Variants in ZMAT4 observed in about 807,000 individuals in gnomAD.
ZMAT4 encodes zinc finger matrin-type 4.
Under a neutral mutation model 28.7 loss-of-function variants are expected in ZMAT4, and 17 were observed. The observed-to-expected ratio is 0.59, with a 90% CI of 0.41 to 0.89. The LOEUF is 0.89. Among genes scored for constraint, ZMAT4 ranks in the 40% least tolerant of loss-of-function variants. ZMAT4 has a pLI of 0.00. For missense variants in ZMAT4, 240 were observed against 283.8 expected (o/e 0.85, Z 1.11); for synonymous variants, 117 against 109.2 (o/e 1.07, Z -0.44).
intron 2 of ZMAT4, among the ~76,000 whole-genome samples, chr8:40,819,099 G>T (rs73619238): frequency 6.6e-6 from 1 of 151,988 alleles, no homozygotes; most frequent in African/African-American, 2.4e-5. Flanking sequence ...AAGTTCTGTC[G>T]GAAGTCAATC....
intron 2 of ZMAT4, among the ~76,000 whole-genome samples, chr8:40,810,402 G>T (rs1222133302): frequency 6.6e-6 from 1 of 152,094 alleles, no homozygotes. Flanking sequence ...TCATAAAGCA[G>T]AAGAAAAGGA....
At chr8:40,619,658 A>C (rs1363623102) in intron 5 of ZMAT4, among the ~76,000 whole-genome samples, 1 of 152,206 alleles carries the variant, frequency 6.6e-6, no homozygotes, top group Non-Finnish European at 1.5e-5. Flanking sequence ...ACTGGAGAGC[A>C]CCAGAGAGGG....
At chr8:40,642,444 A>G (rs1807077718) in intron 5 of ZMAT4, among the ~76,000 whole-genome samples, 1 of 152,238 alleles carries the variant, frequency 6.6e-6, no homozygotes, top group South Asian at 2.1e-4. Context: ...TGTGGCTATC[A>G]GGAGACTAGA....
intron 5 of ZMAT4, 44 bp from the exon 6 acceptor site, chr8:40,581,305 A>G (rs1487774734): frequency 6.5e-7 from 1 of 1,532,982 alleles, no homozygotes; most frequent in Admixed American, 1.7e-5. Flanking sequence ...CCAGTCGTCA[A>G]CCACCTGAAA....
intron 2 of ZMAT4, among the ~76,000 whole-genome samples, chr8:40,794,090 TA>T (rs749101936): frequency 2.7e-5 from 4 of 148,126 alleles, no homozygotes; most frequent in Non-Finnish European, 4.6e-5. Flanking sequence ...GCAATTTTTT[TA>T]ATGTTTTTTT....
intron 1 of ZMAT4, among the ~76,000 whole-genome samples, chr8:40,856,930 C>T (rs1817320013): frequency 1.3e-5 from 2 of 152,196 alleles, no homozygotes; most frequent in African/African-American, 2.4e-5. Context: ...AAGCTGGCCT[C>T]ATCCATTTTT....
At chr8:40,790,044 G>A (rs1462910918) in intron 2 of ZMAT4, among the ~76,000 whole-genome samples, 2 of 152,094 alleles carry the variant, frequency 1.3e-5, no homozygotes, top group African/African-American at 4.8e-5. Context: ...AGGCATACAT[G>A]ATTCCCTCTC....
At chr8:40,679,962 G>T (rs1339378298) in intron 4 of ZMAT4, among the ~76,000 whole-genome samples, 2 of 152,106 alleles carry the variant, frequency 1.3e-5, no homozygotes, top group African/African-American at 4.8e-5. Context: ...CTTCCAGATT[G>T]TGTCATTTAG....
At chr8:40,819,583 A>C (rs895123099) in intron 2 of ZMAT4, among the ~76,000 whole-genome samples, 1 of 152,254 alleles carries the variant, frequency 6.6e-6, no homozygotes, top group African/African-American at 2.4e-5. Context: ...AACACTCAGC[A>C]CATGGCTCCC....
chr8:40,651,209 G>C (rs930339370), intron 5 of ZMAT4, among the ~76,000 whole-genome samples: 2 of 152,032 alleles, frequency 1.3e-5, no homozygotes, highest in Admixed American at 6.6e-5. Flanking sequence ...TCCTTAAGCT[G>C]ATAAGCAACT....
chr8:40,603,781 A>T (rs1024086878), intron 5 of ZMAT4, among the ~76,000 whole-genome samples: 6 of 151,982 alleles, frequency 3.9e-5, no homozygotes, highest in Non-Finnish European at 8.8e-5. Context: ...GGTGCCTGCC[A>T]CCATGTCCAG....
chr8:40,889,688 C>A (rs1818598005), intron 1 of ZMAT4, among the ~76,000 whole-genome samples: 1 of 152,018 alleles, frequency 6.6e-6, no homozygotes, highest in African/African-American at 2.4e-5. Context: ...TTCCCATATT[C>A]TTATGTATTA....
At chr8:40,672,789 T>C (rs1294251573) in intron 5 of ZMAT4, among the ~76,000 whole-genome samples, 1 of 152,190 alleles carries the variant, frequency 6.6e-6, no homozygotes, top group Non-Finnish European at 1.5e-5. Context: ...GCATTGCAGT[T>C]AGGCCTTCAG....
At chr8:40,676,512 G>A (rs147017169) in intron 4 of ZMAT4, among the ~76,000 whole-genome samples, 7 of 152,196 alleles carry the variant, frequency 4.6e-5, no homozygotes, top group East Asian at 1.9e-4. Context: ...GCTGAGGTCC[G>A]AGACCTCAAT....
chr8:40,583,965 CTT>C (rs1428896703), intron 5 of ZMAT4, among the ~76,000 whole-genome samples: 1 of 152,168 alleles, frequency 6.6e-6, no homozygotes, highest in East Asian at 1.9e-4. Context: ...AGATGGATGA[CTT>C]TGAATTCTGT....
intron 5 of ZMAT4, among the ~76,000 whole-genome samples, chr8:40,618,144 C>T (rs752717629): frequency 6.6e-6 from 1 of 152,132 alleles, no homozygotes; most frequent in Non-Finnish European, 1.5e-5. Context: ...ACAAGGTAAC[C>T]AACCCTAGGA....
At chr8:40,762,152 C>A (rs1812967523) in intron 3 of ZMAT4, among the ~76,000 whole-genome samples, 1 of 152,188 alleles carries the variant, frequency 6.6e-6, no homozygotes, top group Non-Finnish European at 1.5e-5. Context: ...CAATGTCCCA[C>A]CATCCCAACC....
chr8:40,602,014 C>T (rs1015335316), intron 5 of ZMAT4, among the ~76,000 whole-genome samples: 2 of 152,140 alleles, frequency 1.3e-5, no homozygotes, highest in African/African-American at 4.8e-5. Context: ...TCCTTCTCCC[C>T]CTTCTGCCCT....
chr8:40,566,348 G>A (rs539863740), intron 6 of ZMAT4, among the ~76,000 whole-genome samples: 2 of 152,290 alleles, frequency 1.3e-5, no homozygotes, highest in African/African-American at 4.8e-5. Flanking sequence ...ATAGAATGAA[G>A]AGCATTGCCC....
Sources: allele counts gnomAD v4.1 joint callset (sites outside exome capture counted in the v4.1 genomes callset), GRCh38; gene constraint gnomAD v4.1.1; transcripts MANE v1.5; gene names NCBI Gene and HGNC (gene_info 2026-07-23, HGNC 2026-07-21).